Variants in CBLB observed in about 807,000 individuals in gnomAD.
CBLB encodes E3 ubiquitin-protein ligase CBL-B.
Under a neutral mutation model 104.9 loss-of-function variants are expected in CBLB, and 31 were observed. The ratio of observed to expected loss-of-function variants is 0.30; its 90% CI spans 0.22 to 0.40. CBLB has a LOEUF of 0.40. Among genes scored for constraint, CBLB ranks in the 10% least tolerant of loss-of-function variants. The pLI is 1.00. For missense variants in CBLB, 1,062 were observed against 1,214.6 expected (o/e 0.87, Z 1.87); for synonymous variants, 440 against 422.6 (o/e 1.04, Z -0.51).
At chr3:105,688,095 A>AT (rs2067226689) in intron 13 of CBLB, among the ~76,000 whole-genome samples, 1 of 152,072 alleles carries the variant, frequency 6.6e-6, no homozygotes, top group Non-Finnish European at 1.5e-5. Context: ...TTTCTATCTT[A>AT]TGGGGCATGG....
At chr3:105,715,786 C>G (rs945847931) in intron 10 of CBLB, among the ~76,000 whole-genome samples, 1 of 152,150 alleles carries the variant, frequency 6.6e-6, no homozygotes. Context: ...TGCCTGTAAT[C>G]CCAGCACTTT....
intron 5 of CBLB, 98 bp from the exon 6 acceptor site, chr3:105,746,136 G>T: frequency 1.2e-6 from 1 of 856,758 alleles, no homozygotes; most frequent in Non-Finnish European, 1.8e-6. Flanking sequence ...CATTATCTTG[G>T]ATATTTTAAA....
At chr3:105,867,379 T>C in intron 2 of CBLB, 31 bp downstream of exon 2, 1 of 1,606,586 alleles carries the variant, frequency 6.2e-7, no homozygotes, top group Non-Finnish European at 8.5e-7. Context: ...GTGAATAGTG[T>C]TTCGCACAGG....
intron 3 of CBLB, among the ~76,000 whole-genome samples, chr3:105,850,336 A>G (rs2090788590): frequency 6.6e-6 from 1 of 152,126 alleles, no homozygotes; most frequent in Non-Finnish European, 1.5e-5. Flanking sequence ...ACATACCTCC[A>G]TAACTGAATT....
intron 4 of CBLB, among the ~76,000 whole-genome samples, chr3:105,758,647 G>A (rs1381054192): frequency 2.0e-5 from 3 of 152,248 alleles, no homozygotes; most frequent in Admixed American, 2.0e-4. Flanking sequence ...AAGTGAGCAT[G>A]GAGTCCAGCC....
chr3:105,776,571 TAAGA>T (rs951907419), intron 3 of CBLB, 29 bp from the exon 4 acceptor site: 6 of 1,610,756 alleles, frequency 3.7e-6, no homozygotes, highest in Non-Finnish European at 5.1e-6. Context: ...AAAATGAAGA[TAAGA>T]AATAAACACC....
At chr3:105,706,584 C>T (rs1185327417) in intron 10 of CBLB, among the ~76,000 whole-genome samples, 1 of 152,136 alleles carries the variant, frequency 6.6e-6, no homozygotes, top group East Asian at 1.9e-4. Context: ...AAGCTATTTG[C>T]ATCACAGCAT....
intron 8 of CBLB, among the ~76,000 whole-genome samples, chr3:105,735,321 G>A (rs2197351): frequency 0.99 from 150,244 of 152,330 alleles, 74,130 homozygotes; most frequent in East Asian, 1. Context: ...TAAAAATGGA[G>A]AAGAAATAAA....
At chr3:105,760,703 T>G (rs2077536406) in intron 4 of CBLB, among the ~76,000 whole-genome samples, 1 of 151,684 alleles carries the variant, frequency 6.6e-6, no homozygotes, top group South Asian at 2.1e-4. Flanking sequence ...ATGAGTGAAG[T>G]CTCCTAGATG....
At chr3:105,836,858 G>A (rs1354597724) in intron 3 of CBLB, among the ~76,000 whole-genome samples, 3 of 151,964 alleles carry the variant, frequency 2.0e-5, no homozygotes, top group African/African-American at 7.3e-5. Flanking sequence ...AGTCTGCATG[G>A]TGGATGTAAG....
At chr3:105,759,239 T>G (rs1489351251) in intron 4 of CBLB, among the ~76,000 whole-genome samples, 1 of 152,162 alleles carries the variant, frequency 6.6e-6, no homozygotes, top group Non-Finnish European at 1.5e-5. Flanking sequence ...TGAGTCTGGC[T>G]GGGTCTGGAG....
At chr3:105,837,324 G>A (rs1028582190) in intron 3 of CBLB, among the ~76,000 whole-genome samples, 3 of 152,186 alleles carry the variant, frequency 2.0e-5, no homozygotes, top group Admixed American at 6.5e-5. Flanking sequence ...TATTCATGTC[G>A]AAAGCATAGA....
chr3:105,792,456 C>A (rs908255077), intron 3 of CBLB, among the ~76,000 whole-genome samples: 1 of 152,158 alleles, frequency 6.6e-6, no homozygotes, highest in Non-Finnish European at 1.5e-5. Flanking sequence ...ATGGGACTTT[C>A]ATTTGTCATC....
At chr3:105,805,569 G>C (rs2083395264) in intron 3 of CBLB, among the ~76,000 whole-genome samples, 1 of 152,148 alleles carries the variant, frequency 6.6e-6, no homozygotes, top group African/African-American at 2.4e-5. Context: ...GCCTCGCAAA[G>C]TGCTGGGATT....
chr3:105,759,634 A>G (rs2077420554), intron 4 of CBLB, among the ~76,000 whole-genome samples: 1 of 152,214 alleles, frequency 6.6e-6, no homozygotes, highest in South Asian at 2.1e-4. Context: ...GTGCACACCC[A>G]GCCAGGTCAC....
chr3:105,764,746 CAGTT>C (rs1325582522), intron 4 of CBLB, among the ~76,000 whole-genome samples: 2 of 152,146 alleles, frequency 1.3e-5, no homozygotes, highest in Admixed American at 6.5e-5. Context: ...TTGCACCAAA[CAGTT>C]AGGCAAGTTG....
At chr3:105,804,768 T>C (rs1481952050) in intron 3 of CBLB, among the ~76,000 whole-genome samples, 2 of 152,210 alleles carry the variant, frequency 1.3e-5, no homozygotes. Context: ...CCATTCTTTG[T>C]TTCTATTTCT....
intron 4 of CBLB, among the ~76,000 whole-genome samples, chr3:105,759,184 C>A (rs1419835996): frequency 1.3e-5 from 2 of 152,158 alleles, no homozygotes; most frequent in African/African-American, 2.4e-5. Flanking sequence ...CAAAGAGACT[C>A]AAATTGGGTA....
chr3:105,670,354 T>A lies in CBLB; in HGVS notation c.2570-2A>T. The A allele has an allele frequency of 1.2e-6, 2 of 1,610,066 alleles. No homozygotes were observed. On this transcript the variant is annotated splice_acceptor_variant, in intron 17 of 18. Transcript: ENST00000394030. LOFTEE classifies it high-confidence loss of function. ...CACTTGCTAGATCAACAAAGGGATCTTAAAAATAAAAACAAGTTTCAAATT... is the reference window on the plus strand; with the variant it reads ...CACTTGCTAGATCAACAAAGGGATCATAAAAATAAAAACAAGTTTCAAATT...
Sources: allele counts gnomAD v4.1 joint callset (sites outside exome capture counted in the v4.1 genomes callset), GRCh38; gene constraint gnomAD v4.1.1; transcripts MANE v1.5; gene names NCBI Gene and HGNC (gene_info 2026-07-23, HGNC 2026-07-21).